DOCK10: variants seen among roughly 807,000 people sequenced by gnomAD.
DOCK10 encodes dedicator of cytokinesis 10.
In DOCK10, 145 loss-of-function variants were observed where a neutral mutation model predicts 280.1. The ratio of observed to expected loss-of-function variants is 0.52; its 90% confidence interval spans 0.45 to 0.59. The LOEUF is 0.59. Ranked by LOEUF, DOCK10 falls within the 20% of genes least tolerant of loss-of-function variation. The probability of loss-of-function intolerance (pLI) is 0.00; values close to 1 mark genes in which losing one functional copy is unlikely to be tolerated. For missense variants in DOCK10, 2,368 were observed against 2,651.7 expected (o/e 0.89, Z 2.35); for synonymous variants, 915 against 942.2 (o/e 0.97, Z 0.53).
chr2:224,839,809 G>C (rs534500378), intron 24 of DOCK10, 145 bp downstream of exon 24: 127 of 433,384 alleles, frequency 2.9e-4, no homozygotes, highest in African/African-American at 2.4e-3. Flanking sequence ...AGAAGGTAAG[G>C]AGTCAAGAGT....
At chr2:225,037,154 A>C (rs973067019) in intron 1 of DOCK10, among the ~76,000 whole-genome samples, 1 of 152,214 alleles carries the variant, frequency 6.6e-6, no homozygotes, top group Non-Finnish European at 1.5e-5. Flanking sequence ...TTTGAAGTAG[A>C]CTGCAGGAGG....
At chr2:225,011,443 T>A (rs1031627625) in intron 1 of DOCK10, among the ~76,000 whole-genome samples, 1 of 152,150 alleles carries the variant, frequency 6.6e-6, no homozygotes, top group African/African-American at 2.4e-5. Context: ...TCAAATTAAA[T>A]TAACTCTTAG....
chr2:225,022,446 T>C (rs1689806320), intron 1 of DOCK10, among the ~76,000 whole-genome samples: 2 of 147,406 alleles, frequency 1.4e-5, no homozygotes, highest in Admixed American at 6.7e-5. Flanking sequence ...CACAACTGGC[T>C]CCAAGTCACA....
intron 1 of DOCK10, among the ~76,000 whole-genome samples, chr2:224,995,121 G>A (rs939284150): frequency 5.3e-5 from 8 of 152,184 alleles, no homozygotes. Context: ...TCATGACATG[G>A]CAGCTGGCTT....
At chr2:224,951,196 G>A (rs1296444895) in intron 1 of DOCK10, among the ~76,000 whole-genome samples, 1 of 152,076 alleles carries the variant, frequency 6.6e-6, no homozygotes, top group African/African-American at 2.4e-5. Flanking sequence ...TAGCTTATAG[G>A]GTTGCTGTGA....
At chr2:224,898,818 G>A (rs1014540781) in intron 3 of DOCK10, among the ~76,000 whole-genome samples, 3 of 152,150 alleles carry the variant, frequency 2.0e-5, no homozygotes, top group Admixed American at 6.5e-5. Flanking sequence ...CTCGTGATCC[G>A]CCTGCCTTGG....
At chr2:224,801,282 C>CAAAAAAAAAA (rs3083075) in intron 40 of DOCK10, among the ~76,000 whole-genome samples, 1 of 74,646 alleles carries the variant, frequency 1.3e-5, no homozygotes, top group Non-Finnish European at 2.5e-5. Flanking sequence ...CAAGACATGG[C>CAAAAAAAAAA]AAAAAAAAAA....
Position 224,805,126 on chromosome 2 carries a change from T to C in DOCK10, c.4052-2A>G. On this transcript the variant is annotated splice_acceptor_variant, in intron 36 of 55. Transcript: ENST00000258390. LOFTEE classifies it high-confidence loss of function. This position sits in a 1 kb window ranked among gnomAD's most constrained non-coding sequence, Gnocchi z 4.3. ...TCTGCCAGTAGGCAATCAGAGTCTC[T>C]AAAAGGAAACACCAGGTAGTATGAG... The C allele has an allele frequency of 6.2e-7, 1 of 1,610,634 alleles. No homozygotes were observed. The highest frequency in any genetic ancestry group is 8.5e-7 in the Non-Finnish European group (1 of 1,178,724).
chr2:225,022,485 T>G (rs1689807670), intron 1 of DOCK10, among the ~76,000 whole-genome samples: 1 of 152,152 alleles, frequency 6.6e-6, no homozygotes, highest in African/African-American at 2.4e-5. Context: ...TCTGTGACAG[T>G]AAAAACAAAT....
chr2:224,876,269 C>G (rs1385927821), intron 7 of DOCK10, 48 bp from the exon 8 acceptor site: 2 of 1,469,280 alleles, frequency 1.4e-6, no homozygotes, highest in East Asian at 2.4e-5. Context: ...AAAAAATAAG[C>G]CTTCGAGAGA....
chr2:224,829,890 G>A (rs1470173933), intron 27 of DOCK10, among the ~76,000 whole-genome samples: 2 of 152,190 alleles, frequency 1.3e-5, no homozygotes, highest in Non-Finnish European at 2.9e-5. Context: ...CTTTCAGGAG[G>A]GGAGGCCCAT....
At chr2:225,040,328 G>T (rs973338771) in intron 1 of DOCK10, among the ~76,000 whole-genome samples, 15 of 152,176 alleles carry the variant, frequency 9.9e-5, no homozygotes, top group African/African-American at 3.6e-4. Flanking sequence ...AAGATCCCAT[G>T]AAATGTCTTG....
intron 52 of DOCK10, among the ~76,000 whole-genome samples, chr2:224,774,535 G>A (rs930676610): frequency 6.6e-6 from 1 of 152,170 alleles, no homozygotes; most frequent in Non-Finnish European, 1.5e-5. Context: ...ATCCCAGAGT[G>A]GTTTAGAATC....
chr2:224,940,951 T>C (rs565717069), intron 1 of DOCK10, among the ~76,000 whole-genome samples: 1 of 152,360 alleles, frequency 6.6e-6, no homozygotes, highest in African/African-American at 2.4e-5. Flanking sequence ...ACATTTACTG[T>C]ATTTATTTAT....
At chr2:225,003,640 T>C (rs1706495832) in intron 1 of DOCK10, among the ~76,000 whole-genome samples, 2 of 152,166 alleles carry the variant, frequency 1.3e-5, no homozygotes, top group South Asian at 4.1e-4. Context: ...AAATTAAAAG[T>C]TTTATCTAAT....
Position 224,885,774 on chromosome 2 carries a change from T to C in DOCK10, c.644A>G (p.Gln215Arg). 6.2e-7 allele frequency: 1 copy of C among 1,613,442 alleles called. No individual in the cohort carries two copies. Among genetic ancestry groups the C allele is most frequent in the African/African-American group, 1.3e-5 (1 of 75,042 alleles). The change falls in exon 7 of 56, where the codon CAG becomes CGG. Residue 215 changes from glutamine (Q) to arginine (R), a missense_variant. Transcript: ENST00000258390. ...CATAATGTAGGAGTTATCTGGTAAC[T>C]GAGTCAGCTGGAAGTAGCGCTTTTT... is the stretch of plus-strand genomic sequence containing the variant. ...SFKKRYFQLT[Q>R]LPDNSYIMNF...
chr2:224,880,544 T>C (rs1698920079), intron 7 of DOCK10, among the ~76,000 whole-genome samples: 1 of 152,210 alleles, frequency 6.6e-6, no homozygotes. Context: ...TTTTCCTCTA[T>C]TTCTCATATA....
At chr2:224,869,214 G>A (rs1368425653) in intron 11 of DOCK10, among the ~76,000 whole-genome samples, 1 of 152,092 alleles carries the variant, frequency 6.6e-6, no homozygotes, top group Non-Finnish European at 1.5e-5. Context: ...GATTTTTGGA[G>A]TCAATTTCTA....
chr2:224,793,361 A>C (rs762235626), intron 46 of DOCK10, 39 bp downstream of exon 46: 24 of 1,520,382 alleles, frequency 1.6e-5, no homozygotes, highest in Non-Finnish European at 2.2e-5. Context: ...CAATGTGTTG[A>C]TATCTAGGCT....
Sources: allele counts gnomAD v4.1 joint callset (sites outside exome capture counted in the v4.1 genomes callset), GRCh38; gene constraint gnomAD v4.1.1; non-coding constraint Gnocchi (gnomAD v3.1); transcripts MANE v1.5; gene names NCBI Gene and HGNC (gene_info 2026-07-23, HGNC 2026-07-21).